Variants in TEX52 observed in about 807,000 individuals in gnomAD.
The protein encoded by TEX52 is testis-expressed protein 52.
In TEX52, 22 loss-of-function variants were observed where a neutral mutation model predicts 17.6. The observed-to-expected ratio is 1.25, with a 90% confidence interval of 0.89 to 1.78. The LOEUF (loss-of-function observed/expected upper bound fraction) is 1.78, where lower values mean the gene tolerates loss of function less well. TEX52 is among the 40% of genes most tolerant of loss of function. The pLI is 0.00. For synonymous variants in TEX52, 168 were observed against 147.4 expected (o/e 1.14, Z -1.01); for missense variants, 396 against 372.3 (o/e 1.06, Z -0.52).
In TEX52 at chr12:2,853,103, TG is replaced by T. The variant is rs549286152; in HGVS notation, c.623+1792del. Among the ~76,000 whole-genome samples, 1,060 of 152,260 alleles carry T rather than the reference TG, an allele frequency of 7.0e-3. 7 individuals are homozygous for T. The highest frequency in any genetic ancestry group is 0.012 in the Non-Finnish European group (797 of 68,004). ...GAGAAGTGTTTGGCAGAACACCACC[TG>T]GCACTGTCATGCCACTGTGAGTCTC... On this transcript the variant is annotated intron_variant, in intron 2 of 2. Coordinates refer to ENST00000637658, the MANE Select transcript of TEX52 (RefSeq NM_001365174.2).
At chr12:2,848,096 C>A (rs1451735199), downstream of TEX52, among the ~76,000 whole-genome samples, 1 of 152,212 alleles carries the variant, frequency 6.6e-6, no homozygotes, top group Non-Finnish European at 1.5e-5. Context: ...GGAATAGTGA[C>A]TTTTCCAAAG....
At chr12:2,848,521 G>A (rs1339136340), downstream of TEX52, among the ~76,000 whole-genome samples, 1 of 152,200 alleles carries the variant, frequency 6.6e-6, no homozygotes, top group Non-Finnish European at 1.5e-5. Context: ...ACAGGGTGTG[G>A]AGAGGCCGCT....
In TEX52 at chr12:2,851,361, A is replaced by C. The variant is rs533324903; in HGVS notation, c.624-1836T>G. On this transcript the variant is annotated intron_variant, in intron 2 of 2. Coordinates refer to ENST00000637658, the MANE Select transcript of TEX52 (RefSeq NM_001365174.2). The stretch of plus-strand genomic sequence containing the variant: ...ACACTAAATTTATTTATTTATTTTG[A>C]GATGGAGTCTGACTCTGTCCCTGAT... Among the ~76,000 whole-genome samples the C allele has an allele frequency of 1.1e-4, 16 of 152,204 alleles. No homozygotes were observed. The South Asian group carries it at 1.2e-3, about 12-fold the overall frequency.
At chr12:2,851,141 C>T (rs1323311985) in intron 2 of TEX52, among the ~76,000 whole-genome samples, 2 of 150,130 alleles carry the variant, frequency 1.3e-5, no homozygotes, top group Admixed American at 6.7e-5. Context: ...CCAGCCTGGG[C>T]GACAAGAGCG....
At position 2,849,235 on chromosome 12, in the gene TEX52, A is replaced by T. The variant is rs2098062167; in HGVS notation, c.914T>A (p.Phe305Tyr). The T allele has an allele frequency of 6.5e-7, 1 of 1,535,340 alleles. No homozygotes were observed. The change falls in exon 3 of 3, where the codon TTC becomes TAC. Residue 305 changes from phenylalanine (F) to tyrosine (Y), a missense_variant. Coordinates refer to ENST00000637658, the MANE Select transcript of TEX52 (RefSeq NM_001365174.2). ...TCGTCCCCTCTGGAAGCCCTTCTAG[A>T]AGTGTCCAGGTCTTCTCTTCCTCTT... The part of the protein sequence containing the change: ...ARKRKRRPGH[F>Y]
chr12:2,854,278 G>A (rs1257426413), intron 2 of TEX52, among the ~76,000 whole-genome samples: 1 of 152,198 alleles, frequency 6.6e-6, no homozygotes, highest in Non-Finnish European at 1.5e-5. Context: ...GGCCGCCTCG[G>A]CCTCCTAAAG....
At chr12:2,849,608 G>A in intron 2 of TEX52, 83 bp from the exon 3 acceptor site, 1 of 1,450,848 alleles carries the variant, frequency 6.9e-7, no homozygotes, top group South Asian at 1.3e-5. Context: ...GGGGAAGGGT[G>A]ATGCCGCTGT....
intron 2 of TEX52, among the ~76,000 whole-genome samples, chr12:2,853,305 C>T (rs181761572): frequency 3.2e-4 from 49 of 152,078 alleles, no homozygotes; most frequent in African/African-American, 1.0e-3. Context: ...AACAAAGTCT[C>T]GCTCTTGTCA....
In TEX52 at chr12:2,849,188, C is replaced by G; in HGVS notation, c.*43G>C. 1 of 1,498,932 alleles carries G rather than the reference C, an allele frequency of 6.7e-7. No homozygotes were observed. Among genetic ancestry groups the G allele is most frequent in the Non-Finnish European group, 8.8e-7 (1 of 1,130,214 alleles). 92.9% of individuals were successfully genotyped at this position (1,498,932 alleles called of 1,614,324 possible). On this transcript the variant is annotated 3_prime_UTR_variant, in exon 3 of 3. Coordinates refer to ENST00000637658, the MANE Select transcript of TEX52 (RefSeq NM_001365174.2). ...GGAGCATTGATTGAGAACACTGGAG[C>G]CTGGGGCTCTGGGTATCACGATCGT...
Position 2,850,060 on chromosome 12 carries a change from G to C in TEX52, c.624-535C>G, listed in dbSNP as rs1171247643. Among the ~76,000 whole-genome samples the C allele has an allele frequency of 2.6e-5, 4 of 152,146 alleles. No individual in the cohort carries two copies. In the East Asian group the frequency reaches 7.7e-4, roughly 29 times the overall value. On this transcript the variant is annotated intron_variant, in intron 2 of 2. Coordinates refer to ENST00000637658, the MANE Select transcript of TEX52 (RefSeq NM_001365174.2). ...TTTGCTGTTGTTGGTTTATGCAGGG[G>C]CTCTCAGCCTGGCTGCACATTACAA...
intron 2 of TEX52, among the ~76,000 whole-genome samples, chr12:2,853,388 T>C (rs1010677060): frequency 6.6e-6 from 1 of 152,062 alleles, no homozygotes; most frequent in Non-Finnish European, 1.5e-5. Flanking sequence ...TTCCCCTGCC[T>C]CAGCCTCCTG....
In TEX52 at chr12:2,849,398, C is replaced by T; in HGVS notation, c.751G>A (p.Val251Met). ...CTGGGCAGCAAGGCCAGCTTTAGCA[C>T]CTTCTCCTGGTAGTGAGGCAGAGGG... Reference protein sequence around the residue: ...PNPLPHYQEKVLKLALLPSAP... With the variant: ...PNPLPHYQEKMLKLALLPSAP... The change falls in exon 3 of 3, where the codon GTG becomes ATG. Residue 251 changes from valine to methionine, a missense_variant. Coordinates refer to ENST00000637658, the MANE Select transcript of TEX52 (RefSeq NM_001365174.2). 1.3e-6 allele frequency: 2 copies of T among 1,536,178 alleles called. No individual in the cohort carries two copies. Among genetic ancestry groups the T allele is most frequent in the Non-Finnish European group, 1.7e-6 (2 of 1,146,918 alleles).
In TEX52 at chr12:2,849,544, G is replaced by A; in HGVS notation, c.624-19C>T. 6.5e-7 allele frequency: 1 copy of A among 1,535,890 alleles called. No individual in the cohort carries two copies. Among genetic ancestry groups the A allele is most frequent in the Non-Finnish European group, 8.7e-7 (1 of 1,146,820 alleles). ...CCGGTACCTGTTGGGAGAAGGGTAT[G>A]GAGAGAACAGAGAGATCAAAGAAGA... On this transcript the variant is annotated intron_variant, in intron 2 of 2. Coordinates refer to ENST00000637658, the MANE Select transcript of TEX52 (RefSeq NM_001365174.2).
chr12:2,855,821 G>A (rs944978266), intron 1 of TEX52, among the ~76,000 whole-genome samples: 5 of 152,144 alleles, frequency 3.3e-5, no homozygotes, highest in Non-Finnish European at 7.3e-5. Context: ...AAATCATGAA[G>A]GGAAATGCTC....
chr12:2,850,000 C>A (rs1465209793), intron 2 of TEX52, among the ~76,000 whole-genome samples: 1 of 152,164 alleles, frequency 6.6e-6, no homozygotes, highest in South Asian at 2.1e-4. Flanking sequence ...TATGACTCAG[C>A]GCACTTTGCC....
intron 2 of TEX52, among the ~76,000 whole-genome samples, chr12:2,853,618 T>C (rs2098078328): frequency 1.3e-5 from 2 of 152,116 alleles, no homozygotes; most frequent in Non-Finnish European, 2.9e-5. Flanking sequence ...TTTTTGTTTT[T>C]TTTTCAGATT....
chr12:2,848,877 G>GCGCACACA (rs1555092608), downstream of TEX52, among the ~76,000 whole-genome samples: 541 of 140,362 alleles, frequency 3.9e-3, 4 homozygotes, highest in African/African-American at 0.014. Flanking sequence ...ACACACACAC[G>GCGCACACA]CACACACACA....
intron 2 of TEX52, 50 bp downstream of exon 2, chr12:2,854,846 C>A: frequency 6.8e-7 from 1 of 1,479,298 alleles, no homozygotes; most frequent in South Asian, 1.3e-5. Flanking sequence ...AGGGAGGGGT[C>A]ACCTGGGCAG....
chr12:2,854,133 C>T (rs1220509658), intron 2 of TEX52, among the ~76,000 whole-genome samples: 2 of 152,260 alleles, frequency 1.3e-5, no homozygotes, highest in Non-Finnish European at 2.9e-5. Flanking sequence ...TCAAGTGATT[C>T]TCCTGCCTCA....
Sources: allele counts gnomAD v4.1 joint callset (sites outside exome capture counted in the v4.1 genomes callset), GRCh38; gene constraint gnomAD v4.1.1; transcripts MANE v1.5; gene names NCBI Gene and HGNC (gene_info 2026-07-23, HGNC 2026-07-21).